The following RAB3GAP1 variants were observed in gnomAD, a reference collection of about 807,000 sequenced individuals.
RAB3GAP1 encodes the protein rab3 GTPase-activating protein catalytic subunit.
A neutral mutation model predicts 130.7 loss-of-function variants in RAB3GAP1; 86 were observed. The observed-to-expected ratio is 0.66, with a 90% CI of 0.55 to 0.79. RAB3GAP1 has a LOEUF of 0.79. Ranked by LOEUF, RAB3GAP1 falls within the 30% of genes least tolerant of loss-of-function variation. The probability of loss-of-function intolerance (pLI) is 0.00; values close to 1 mark genes in which losing one functional copy is unlikely to be tolerated. For missense variants in RAB3GAP1, 1,029 were observed against 1,169.4 expected (o/e 0.88, Z 1.75); for synonymous variants, 367 against 401.7 (o/e 0.91, Z 1.03).
chr2:135,053,406 C>A (rs1251995034), intron 2 of RAB3GAP1, among the ~76,000 whole-genome samples: 3 of 152,226 alleles, frequency 2.0e-5, no homozygotes, highest in African/African-American at 7.2e-5. Flanking sequence ...TGAAACTGTT[C>A]TATTACTGAA....
chr2:135,134,953 T>G (rs1691639217), intron 15 of RAB3GAP1, among the ~76,000 whole-genome samples: 1 of 152,234 alleles, frequency 6.6e-6, no homozygotes, highest in Non-Finnish European at 1.5e-5. Flanking sequence ...ATGCTAGTAC[T>G]TCCTGGAGTG....
rs147027430 is a variant in RAB3GAP1 at position 135,107,543 on chromosome 2, C to A, written c.363-5608C>A. Among the ~76,000 whole-genome samples the A allele has an allele frequency of 3.0e-3, 454 of 152,108 alleles. 3 individuals carry two copies. The highest frequency in any genetic ancestry group is 0.01 in the African/African-American group (423 of 41,504). On this transcript the variant is annotated intron_variant, in intron 5 of 23. Coordinates refer to ENST00000264158, the MANE Select transcript of RAB3GAP1 (RefSeq NM_012233.3). Reference sequence around the variant, plus strand: ...CTAAAAAAGTTACTAAAAATAAATTCAAAAAATGAATTGTTTGAGCACCTC... The same window carrying A: ...CTAAAAAAGTTACTAAAAATAAATTAAAAAAATGAATTGTTTGAGCACCTC...
At chr2:135,140,483 G>T (rs1039362869) in intron 17 of RAB3GAP1, among the ~76,000 whole-genome samples, 1 of 152,134 alleles carries the variant, frequency 6.6e-6, no homozygotes, top group Non-Finnish European at 1.5e-5. Context: ...CATGCTCGTG[G>T]CTATAATTTA....
chr2:135,065,733 A>T (rs985585714), intron 3 of RAB3GAP1, among the ~76,000 whole-genome samples: 16 of 150,578 alleles, frequency 1.1e-4, no homozygotes, highest in African/African-American at 3.9e-4. Context: ...CTATGAAAGG[A>T]TCTCTTAAAA....
At chr2:135,070,544 T>C (rs866752444) in intron 3 of RAB3GAP1, among the ~76,000 whole-genome samples, 1 of 152,170 alleles carries the variant, frequency 6.6e-6, no homozygotes, top group Non-Finnish European at 1.5e-5. Flanking sequence ...TTATTTATTT[T>C]GTCAGCCAGC....
rs1219771467 is a variant in RAB3GAP1, at chr2:135,162,662, T to C, written c.2386+11T>C. ...AGGTAAAGGAAGAAGGTAAATGTCA[T>C]ATTTAACTAGTCATTAGTCATTTCC... is the stretch of plus-strand genomic sequence containing the variant. On this transcript the variant is annotated intron_variant, in intron 20 of 23. Transcript: ENST00000264158. 6.2e-7 allele frequency: 1 copy of C among 1,608,732 alleles called. No individual in the cohort carries two copies. Among genetic ancestry groups the C allele is most frequent in the South Asian group, 1.1e-5 (1 of 91,002 alleles).
intron 3 of RAB3GAP1, among the ~76,000 whole-genome samples, chr2:135,062,481 T>C (rs1689204843): frequency 1.3e-5 from 2 of 152,260 alleles, no homozygotes; most frequent in Admixed American, 1.3e-4. Flanking sequence ...ATGTAAATTC[T>C]CCATTTTTGT....
intron 3 of RAB3GAP1, among the ~76,000 whole-genome samples, chr2:135,063,183 T>A (rs992683670): frequency 2.0e-5 from 3 of 152,222 alleles, no homozygotes. Flanking sequence ...TTTTTTAGTT[T>A]GCTGAACGTT....
chr2:135,053,291 G>T (rs1029081148), intron 2 of RAB3GAP1, among the ~76,000 whole-genome samples: 3 of 152,258 alleles, frequency 2.0e-5, no homozygotes, highest in Non-Finnish European at 4.4e-5. Context: ...TTTTTAAAAA[G>T]TCTGCATATG....
intron 19 of RAB3GAP1, among the ~76,000 whole-genome samples, chr2:135,160,524 T>C (rs1240116122): frequency 6.6e-6 from 1 of 151,656 alleles, no homozygotes; most frequent in Non-Finnish European, 1.5e-5. Flanking sequence ...ATACAAAAAT[T>C]GGCCGGGCAG....
intron 7 of RAB3GAP1, 139 bp downstream of exon 7, chr2:135,115,520 A>G: frequency 3.6e-6 from 3 of 843,154 alleles, no homozygotes; most frequent in Non-Finnish European, 5.3e-6. Flanking sequence ...AAGTGACTAC[A>G]TAAATTACTT....
chr2:135,100,565 G>A (rs556704791), intron 5 of RAB3GAP1, among the ~76,000 whole-genome samples: 59 of 152,268 alleles, frequency 3.9e-4, no homozygotes, highest in African/African-American at 1.0e-3. Flanking sequence ...TTAGTTTGCC[G>A]TATGGTTGGA....
chr2:135,120,835 C>T lies in RAB3GAP1; in HGVS notation c.665C>T (p.Pro222Leu). 1 of 1,610,470 alleles carries T rather than the reference C, an allele frequency of 6.2e-7. No homozygotes were observed. Among genetic ancestry groups the T allele is most frequent in the Middle Eastern group, 1.7e-4 (1 of 6,052 alleles). Residue 222 changes from proline to leucine, a missense_variant, in exon 8 of 24, where the codon CCA becomes CTA. Physicochemically the swap from Pro to Leu is moderately conservative, Grantham distance 98. Around this residue, in one of 3 missense-constraint regions of RAB3GAP1, gnomAD observed 510 missense variants for 532.1 expected, o/e 0.96. Transcript: ENST00000264158. ...ATTTCCTAGGGATGTCCTTTAACTC[C>T]ATTGCCTCCAGTTAGTATTGCTATT... ...FKSKIGCPLT[P>L]LPPVSIAIRF...
intron 3 of RAB3GAP1, among the ~76,000 whole-genome samples, chr2:135,075,920 T>G (rs2104849126): frequency 6.6e-6 from 1 of 150,700 alleles, no homozygotes; most frequent in African/African-American, 2.4e-5. Flanking sequence ...CTTTTTTTTT[T>G]TTTTTTTTTG....
intron 3 of RAB3GAP1, 58 bp downstream of exon 3, chr2:135,058,144 C>T: frequency 4.3e-6 from 6 of 1,403,528 alleles, no homozygotes; most frequent in Non-Finnish European, 6.1e-6. Flanking sequence ...CTCTATTTTC[C>T]AGCCCTTTGC....
At chr2:135,093,453 A>C (rs1443349721) in intron 4 of RAB3GAP1, among the ~76,000 whole-genome samples, 162 bp from the exon 5 acceptor site, 2 of 152,172 alleles carry the variant, frequency 1.3e-5, no homozygotes, top group Non-Finnish European at 2.9e-5. Flanking sequence ...AAAATGAGAG[A>C]GAAATCCCTC....
In RAB3GAP1 at chr2:135,130,068, A is replaced by G. The variant is rs1220459836; in HGVS notation, c.1047A>G (p.Ala349=). ...ESTDEILGRS[A]FEEEGKETAD... Reference sequence around the variant, plus strand: ...CTGATGAGATTCTTGGACGATCTGCATTTGAGGAAGAAGGCAAAGGTAACC... The same window carrying G: ...CTGATGAGATTCTTGGACGATCTGCGTTTGAGGAAGAAGGCAAAGGTAACC... The change falls in exon 12 of 24, where the codon GCA becomes GCG. Residue 349 remains alanine, a synonymous_variant. Coordinates refer to ENST00000264158, the MANE Select transcript of RAB3GAP1 (RefSeq NM_012233.3). 1 of 1,612,918 alleles carries G rather than the reference A, an allele frequency of 6.2e-7. No homozygotes were observed. Among genetic ancestry groups the G allele is most frequent in the African/African-American group, 1.3e-5 (1 of 74,842 alleles).
intron 2 of RAB3GAP1, 133 bp downstream of exon 2, chr2:135,052,618 C>T (rs1688912273): frequency 9.6e-7 from 1 of 1,045,774 alleles, no homozygotes; most frequent in African/African-American, 1.6e-5. Flanking sequence ...CGGGTCTCCT[C>T]CCCCAGTCTT....
chr2:135,119,576 G>T (rs1295747832), intron 7 of RAB3GAP1, among the ~76,000 whole-genome samples: 2 of 151,594 alleles, frequency 1.3e-5, no homozygotes, highest in Admixed American at 1.3e-4. Flanking sequence ...ATACTGACCA[G>T]CCAAAATCTC....
Sources: gnomAD v4.1 joint callset for allele counts (sites outside exome capture counted in the v4.1 genomes callset) on GRCh38, gnomAD v4.1.1 for gene constraint, gnomAD v4.1.1 regional missense constraint, MANE v1.5 for transcripts, NCBI Gene and HGNC (gene_info 2026-07-23, HGNC 2026-07-21) for gene names.